NREP: variants seen among roughly 807,000 people sequenced by gnomAD.
NREP encodes neuronal regeneration-related protein.
In NREP, 5 loss-of-function variants were observed where a neutral mutation model predicts 8.6. That is an observed-to-expected ratio of 0.58 (90% CI 0.30 to 1.22). The LOEUF is 1.22. Among genes scored for constraint, NREP ranks in the 50% most tolerant of loss-of-function variants. The pLI, the probability that NREP is intolerant of heterozygous loss-of-function variation, is 0.07. For synonymous variants in NREP, 27 were observed against 28.0 expected, an observed-to-expected ratio of 0.96 and a Z score of 0.11; for missense variants, 86 against 82.5, an observed-to-expected ratio of 1.04 and a Z score of -0.17.
At chr5:111,732,334 T>G (rs1450657199) in intron 3 of NREP, 2 of 152,112 alleles carry the variant, frequency 1.3e-5, no homozygotes, top group Non-Finnish European at 2.9e-5. Flanking sequence ...AAAGTCTTAC[T>G]TACTGTACAG....
chr5:111,905,394 A>AT (rs1194900888), intron 2 of NREP, among the ~76,000 whole-genome samples: 4 of 152,116 alleles, frequency 2.6e-5, no homozygotes, highest in Admixed American at 2.6e-4. Context: ...ACCATTTTGG[A>AT]TTTTTTAAAT....
chr5:111,925,262 G>A (rs200545063), intron 2 of NREP, among the ~76,000 whole-genome samples: 1 of 41,252 alleles, frequency 2.4e-5, no homozygotes, highest in African/African-American at 5.8e-5. Context: ...AGTTCTGGAC[G>A]GAGATGTCTC....
intron 2 of NREP, among the ~76,000 whole-genome samples, chr5:111,777,036 TGGA>T (rs1390796015): frequency 4.8e-5 from 6 of 125,026 alleles, no homozygotes; most frequent in Non-Finnish European, 7.0e-5. Context: ...AGGAAGGAGG[TGGA>T]GGAGGAGGAG....
chr5:111,899,648 T>C (rs961742673), intron 2 of NREP, among the ~76,000 whole-genome samples: 2 of 152,192 alleles, frequency 1.3e-5, no homozygotes, highest in Non-Finnish European at 2.9e-5. Context: ...AGATATAGAC[T>C]GGTTGAATTG....
chr5:111,748,639 C>T (rs1437345857), intron 2 of NREP, among the ~76,000 whole-genome samples: 1 of 152,080 alleles, frequency 6.6e-6, no homozygotes, highest in Non-Finnish European at 1.5e-5. Flanking sequence ...AGAAAGAGAA[C>T]ACCAAACCAC....
At position 111,797,971 on chromosome 5, in the gene NREP, CAG is replaced by C. The variant is rs573600881; in HGVS notation, c.136-62466_136-62465del. Reference sequence around the variant, plus strand: ...GAAAACCCACCAAATCTGTAAGAAACAGAGAAATTATTCATTTTGTAGCTCTC... The same window carrying C: ...GAAAACCCACCAAATCTGTAAGAAACAGAAATTATTCATTTTGTAGCTCTC... On this transcript the variant is annotated intron_variant, in intron 2 of 3. Coordinates refer to the NREP transcript ENST00000395634. Among the ~76,000 whole-genome samples, 227 of 152,206 alleles carry C rather than the reference CAG, an allele frequency of 1.5e-3. 1 individual carries two copies. Among genetic ancestry groups the C allele is most frequent in the Non-Finnish European group, 2.2e-3 (152 of 67,992 alleles).
chr5:111,905,836 A>G (rs1561720448), intron 2 of NREP, among the ~76,000 whole-genome samples: 1 of 152,156 alleles, frequency 6.6e-6, no homozygotes, highest in Non-Finnish European at 1.5e-5. Flanking sequence ...TAATAAAATT[A>G]AATACATCTG....
intron 2 of NREP, among the ~76,000 whole-genome samples, chr5:111,953,454 T>G (rs1022576514): frequency 6.6e-6 from 1 of 152,154 alleles, no homozygotes; most frequent in African/African-American, 2.4e-5. Flanking sequence ...TCTATTATCT[T>G]TCTTTTTTCT....
intron 2 of NREP, among the ~76,000 whole-genome samples, chr5:111,804,491 C>T (rs984886717): frequency 5.3e-5 from 8 of 152,040 alleles, no homozygotes; most frequent in African/African-American, 1.9e-4. Context: ...ACTCAAAATC[C>T]AGATGTGTGT....
chr5:111,946,453 A>G (rs1474799997), intron 2 of NREP, among the ~76,000 whole-genome samples: 3 of 152,072 alleles, frequency 2.0e-5, no homozygotes, highest in Non-Finnish European at 2.9e-5. Flanking sequence ...TAACAAAACC[A>G]GAAAATACAA....
upstream of NREP, chr5:111,757,445 CCT>C (rs887474200): frequency 1.6e-5 from 16 of 984,478 alleles, no homozygotes; most frequent in African/African-American, 1.7e-4. Context: ...TCTCCCTTTC[CCT>C]CTCTCTCCCG....
chr5:111,950,045 C>G (rs773708951), intron 2 of NREP, among the ~76,000 whole-genome samples: 36 of 152,078 alleles, frequency 2.4e-4, no homozygotes, highest in African/African-American at 8.0e-4. Context: ...ACACTCCCAC[C>G]AACAGTGTAA....
chr5:111,845,277 C>CT (rs34082231), intron 2 of NREP, among the ~76,000 whole-genome samples: 44,141 of 147,992 alleles, frequency 0.3, 6,875 homozygotes, highest in East Asian at 0.52. Flanking sequence ...CTCAATGCAT[C>CT]TTTTTTTTTT....
intron 2 of NREP, among the ~76,000 whole-genome samples, chr5:111,843,685 C>T (rs1753087796): frequency 6.6e-6 from 1 of 152,138 alleles, no homozygotes; most frequent in South Asian, 2.1e-4. Context: ...CTCCTCCAGT[C>T]TTTACAGACT....
intron 3 of NREP, 100 bp from the exon 4 acceptor site, chr5:111,731,146 G>A: frequency 7.6e-7 from 1 of 1,309,192 alleles, no homozygotes; most frequent in South Asian, 1.4e-5. Context: ...TTCCTGCCCA[G>A]CCCACATTAT....
intron 2 of NREP, among the ~76,000 whole-genome samples, chr5:111,954,414 A>C (rs1198018807): frequency 6.6e-6 from 1 of 152,164 alleles, no homozygotes; most frequent in Admixed American, 6.5e-5. Context: ...AGAGGTTGTC[A>C]ATGTTATCAT....
At chr5:111,892,884 A>T (rs1387108620) in intron 2 of NREP, among the ~76,000 whole-genome samples, 1 of 152,200 alleles carries the variant, frequency 6.6e-6, no homozygotes, top group African/African-American at 2.4e-5. Flanking sequence ...TCATTAACAA[A>T]AGCCAAGCCC....
chr5:111,923,408 G>A (rs369041112), intron 2 of NREP, among the ~76,000 whole-genome samples: 1 of 152,148 alleles, frequency 6.6e-6, no homozygotes, highest in Non-Finnish European at 1.5e-5. Context: ...CTTTCTCACA[G>A]TCATGTTCAG....
chr5:111,972,455 A>T (rs933508776), intron 2 of NREP, among the ~76,000 whole-genome samples: 6 of 152,254 alleles, frequency 3.9e-5, no homozygotes, highest in Admixed American at 3.3e-4. Context: ...GAAGAATCAT[A>T]ATGGCTCACT....
Sources: allele counts gnomAD v4.1 joint callset (sites outside exome capture counted in the v4.1 genomes callset), GRCh38; gene constraint gnomAD v4.1.1; transcripts MANE v1.5; gene names NCBI Gene and HGNC (gene_info 2026-07-23, HGNC 2026-07-21).